BANP: variants seen among roughly 807,000 people sequenced by gnomAD.
BANP encodes the protein protein BANP.
A neutral mutation model predicts 68.1 loss-of-function variants in BANP; 11 were observed. The observed-to-expected ratio is 0.16, with a 90% confidence interval of 0.10 to 0.27. BANP has a LOEUF of 0.27. Ranked by LOEUF, BANP falls within the 10% of genes least tolerant of loss-of-function variation. BANP has a pLI of 1.00. For missense variants in BANP, 504 were observed against 722.7 expected, an observed-to-expected ratio of 0.70 and a Z score of 3.47; for synonymous variants, 329 against 303.2, an observed-to-expected ratio of 1.09 and a Z score of -0.88.
intron 11 of BANP, among the ~76,000 whole-genome samples, chr16:88,054,433 A>ACC (rs1423255700): frequency 3.3e-5 from 5 of 151,808 alleles, no homozygotes. Flanking sequence ...CACTACCACC[A>ACC]CCACCTCCAC....
intron 6 of BANP, among the ~76,000 whole-genome samples, chr16:88,008,680 A>T (rs1055228654): frequency 2.0e-5 from 3 of 152,190 alleles, no homozygotes; most frequent in Non-Finnish European, 4.4e-5. Flanking sequence ...TCTGAGTTTA[A>T]GTTTTTTTGA....
rs74251070 is a variant in BANP at position 87,958,738 on chromosome 16, G to A, written c.-69+7223G>A. Reference sequence around the variant, plus strand: ...AAGCAAAAACTATTCCCGTTAAGCCGCTTGCTTAGGGGTGACTGTGATTGA... The same window carrying A: ...AAGCAAAAACTATTCCCGTTAAGCCACTTGCTTAGGGGTGACTGTGATTGA... On this transcript the variant is annotated intron_variant, in intron 1 of 13. Transcript: ENST00000682872. Among the ~76,000 whole-genome samples the A allele has an allele frequency of 4.6e-5, 7 of 152,308 alleles. No homozygotes were observed. The East Asian group carries it at 9.6e-4, about 21-fold the overall frequency.
In BANP at chr16:88,036,531, G is replaced by T. The variant is rs192650163; in HGVS notation, c.1272+1137G>T. On this transcript the variant is annotated intron_variant, in intron 10 of 13. Transcript: ENST00000682872. This position sits in a 1 kb window ranked among gnomAD's most constrained non-coding sequence, Gnocchi z 4.2. The stretch of plus-strand genomic sequence containing the variant: ...CACGTGGAGCACCAGGGACTCGGGC[G>T]TGTCTGCTGGCAGTGGCTTTAATTT... 5.7e-4 allele frequency among the ~76,000 whole-genome samples: 87 copies of T among 152,266 alleles called. No individual in the cohort carries two copies. Among genetic ancestry groups the T allele is most frequent in the Non-Finnish European group, 1.1e-3 (76 of 68,000 alleles).
intron 10 of BANP, 25 bp from the exon 11 acceptor site, chr16:88,037,948 C>G: frequency 3.1e-6 from 5 of 1,612,292 alleles, no homozygotes; most frequent in Non-Finnish European, 4.2e-6. Flanking sequence ...TACTCATGAC[C>G]GTCTCCTCCT....
chr16:88,003,428 A>G lies in BANP; in HGVS notation c.363-867A>G. ...GAGTGAAATCCAAGAATGGAGTTTT[A>G]TTGTCAGGTGATAATCACGTTGTGT... On this transcript the variant is annotated intron_variant, in intron 4 of 13. Coordinates refer to ENST00000682872, the MANE Select transcript of BANP (RefSeq NM_001386991.1). The surrounding 1 kb of genome is among the most constrained non-coding windows in gnomAD (Gnocchi z 6.1). 2.2e-6 allele frequency: 1 copy of G among 455,932 alleles called. No individual in the cohort carries two copies. Among genetic ancestry groups the G allele is most frequent in the Admixed American group, 2.4e-5 (1 of 42,516 alleles). 28.2% of individuals were successfully genotyped at this position (455,932 alleles called of 1,614,324 possible).
rs1431095731 is a variant in BANP, at chr16:88,064,880, T to G, written c.1312-387T>G. Among the ~76,000 whole-genome samples, 2 of 152,216 alleles carry G rather than the reference T, an allele frequency of 1.3e-5. No homozygotes were observed. Among genetic ancestry groups the G allele is most frequent in the East Asian group, 3.9e-4 (2 of 5,186 alleles). Reference sequence around the variant, plus strand: ...GCCCTGGGAGGTGGCTAGAGCCCAGTGGCCTCCAGGGGAACACGAGTCATA... The same window carrying G: ...GCCCTGGGAGGTGGCTAGAGCCCAGGGGCCTCCAGGGGAACACGAGTCATA... On this transcript the variant is annotated intron_variant, in intron 11 of 13. Coordinates refer to ENST00000682872, the MANE Select transcript of BANP (RefSeq NM_001386991.1). This position sits in a 1 kb window ranked among gnomAD's most constrained non-coding sequence, Gnocchi z 4.5.
intron 3 of BANP, 111 bp from the exon 4 acceptor site, chr16:87,983,949 C>G: frequency 7.1e-7 from 1 of 1,415,786 alleles, no homozygotes; most frequent in East Asian, 2.5e-5. Context: ...GGGGATTGTT[C>G]TGTCTGAATA....
In BANP at chr16:87,971,105, G is replaced by T. The variant is rs79126738; in HGVS notation, c.-68-3943G>T. On this transcript the variant is annotated intron_variant, in intron 1 of 13. Coordinates refer to ENST00000682872, the MANE Select transcript of BANP (RefSeq NM_001386991.1). ...TTTGTTAGTTTTTGAAAATTGCTCA[G>T]AAAGAACTCTACCACTCCTTATAGC... is the stretch of plus-strand genomic sequence containing the variant. Among the ~76,000 whole-genome samples the T allele has an allele frequency of 7.8e-3, 1,192 of 151,946 alleles. 17 individuals carry two copies. The highest frequency in any genetic ancestry group is 0.027 in the African/African-American group (1,135 of 41,466).
At chr16:87,956,251 G>C (rs943704340) in intron 1 of BANP, among the ~76,000 whole-genome samples, 2 of 152,252 alleles carry the variant, frequency 1.3e-5, no homozygotes, top group Non-Finnish European at 2.9e-5. Flanking sequence ...CTGCAATCTA[G>C]AGAAACTAAA....
At chr16:88,007,015 G>T (rs1016650711) in intron 6 of BANP, among the ~76,000 whole-genome samples, 1 of 150,118 alleles carries the variant, frequency 6.7e-6, no homozygotes, top group African/African-American at 2.4e-5. Context: ...GAAAATAACT[G>T]TGATCCCACC....
intron 8 of BANP, among the ~76,000 whole-genome samples, chr16:88,030,174 A>G: frequency 6.6e-6 from 1 of 152,258 alleles, no homozygotes; most frequent in East Asian, 1.9e-4. Flanking sequence ...GACACCCAAC[A>G]AAGTAAAATT....
intron 1 of BANP, among the ~76,000 whole-genome samples, chr16:87,962,746 G>A (rs1316360537): frequency 1.3e-5 from 2 of 152,154 alleles, no homozygotes; most frequent in African/African-American, 4.8e-5. Context: ...GTCGGGAGAA[G>A]TGTTCTTGCT....
At chr16:88,066,082 G>A (rs182373878) in intron 12 of BANP, among the ~76,000 whole-genome samples, 3 of 152,316 alleles carry the variant, frequency 2.0e-5, no homozygotes, top group Non-Finnish European at 4.4e-5. Context: ...GGTGCAGGGC[G>A]AGCTGTGCCC....
intron 11 of BANP, among the ~76,000 whole-genome samples, chr16:88,061,462 C>T (rs977390854): frequency 6.6e-6 from 1 of 152,180 alleles, no homozygotes; most frequent in Non-Finnish European, 1.5e-5. Context: ...CTGTTTCTGA[C>T]CATCCACTAA....
At chr16:88,010,561 C>A (rs1332268161) in intron 6 of BANP, among the ~76,000 whole-genome samples, 1 of 152,234 alleles carries the variant, frequency 6.6e-6, no homozygotes, top group East Asian at 1.9e-4. Context: ...TTGTCCCAGA[C>A]CTCGTTGTCC....
At chr16:88,032,351 A>C (rs1173204754) in intron 8 of BANP, among the ~76,000 whole-genome samples, 1 of 150,448 alleles carries the variant, frequency 6.6e-6, no homozygotes, top group Non-Finnish European at 1.5e-5. Context: ...ACAGACCCCC[A>C]CCACCACGCC....
chr16:87,986,750 G>A (rs1474970287), intron 4 of BANP, among the ~76,000 whole-genome samples: 4 of 152,126 alleles, frequency 2.6e-5, no homozygotes, highest in Non-Finnish European at 5.9e-5. Context: ...ACAGACCTGC[G>A]GTGGTTGTCT....
At chr16:87,996,959 C>A (rs1367367471) in intron 4 of BANP, among the ~76,000 whole-genome samples, 1 of 152,168 alleles carries the variant, frequency 6.6e-6, no homozygotes, top group Admixed American at 6.5e-5. Flanking sequence ...TTCACATGTG[C>A]TCCATTTTGT....
At chr16:88,069,716 A>G (rs2089813749) in intron 12 of BANP, among the ~76,000 whole-genome samples, 1 of 152,244 alleles carries the variant, frequency 6.6e-6, no homozygotes, top group African/African-American at 2.4e-5. Context: ...TCTGATGTCA[A>G]TGCACGCACT....
Sources: gnomAD v4.1 joint callset for allele counts (sites outside exome capture counted in the v4.1 genomes callset) on GRCh38, gnomAD v4.1.1 for gene constraint, Gnocchi (gnomAD v3.1) non-coding constraint, MANE v1.5 for transcripts, NCBI Gene and HGNC (gene_info 2026-07-23, HGNC 2026-07-21) for gene names.